AOPEP: variants seen among roughly 807,000 people sequenced by gnomAD.
AOPEP encodes aminopeptidase O.
AOPEP carries 77 observed loss-of-function variants against 98.1 expected under a neutral mutation model. The ratio of observed to expected loss-of-function variants is 0.78; its 90% confidence interval spans 0.65 to 0.95. The LOEUF (loss-of-function observed/expected upper bound fraction) is 0.95, where lower values mean the gene tolerates loss of function less well. AOPEP is among the 40% of genes least tolerant of loss of function. The pLI is 0.00. For synonymous variants in AOPEP, 346 were observed against 365.3 expected (o/e 0.95, Z 0.60); for missense variants, 1,024 against 1,024.7 (o/e 1.00, Z 0.01).
At chr9:94,883,559 G>T (rs75220768) in intron 5 of AOPEP, among the ~76,000 whole-genome samples, 1,686 of 152,228 alleles carry the variant, frequency 0.011, 38 homozygotes, top group African/African-American at 0.039. Context: ...TTTTCAGTTT[G>T]TTACACACTA....
chr9:94,907,298 T>C (rs2051294316), intron 5 of AOPEP, among the ~76,000 whole-genome samples: 1 of 152,102 alleles, frequency 6.6e-6, no homozygotes, highest in South Asian at 2.1e-4. Context: ...ACAACTCTGC[T>C]CTTTGATTTT....
chr9:94,826,687 T>A (rs1854644341), intron 5 of AOPEP, among the ~76,000 whole-genome samples: 1 of 152,188 alleles, frequency 6.6e-6, no homozygotes, highest in Admixed American at 6.5e-5. Flanking sequence ...TTGATTGATG[T>A]CATGTGATAA....
intron 4 of AOPEP, among the ~76,000 whole-genome samples, chr9:94,794,654 TC>T (rs1846506791): frequency 6.6e-6 from 1 of 152,186 alleles, no homozygotes; most frequent in Non-Finnish European, 1.5e-5. Flanking sequence ...TATATGAACA[TC>T]CTAGATTGCG....
At chr9:94,845,481 A>G (rs2042747666) in intron 5 of AOPEP, among the ~76,000 whole-genome samples, 1 of 152,206 alleles carries the variant, frequency 6.6e-6, no homozygotes, top group Non-Finnish European at 1.5e-5. Context: ...GTGTGCCTTG[A>G]AAAGATCATG....
chr9:94,998,774 A>G (rs528525786), intron 11 of AOPEP, among the ~76,000 whole-genome samples: 1 of 152,308 alleles, frequency 6.6e-6, no homozygotes, highest in Non-Finnish European at 1.5e-5. Flanking sequence ...TAGGCATTTA[A>G]TATGTCTTTT....
At chr9:94,836,941 A>G (rs527659652) in intron 5 of AOPEP, among the ~76,000 whole-genome samples, 1 of 152,116 alleles carries the variant, frequency 6.6e-6, no homozygotes, top group Non-Finnish European at 1.5e-5. Context: ...TTTTAAAAAA[A>G]TTTTTTATGA....
the AOPEP span, among the ~76,000 whole-genome samples, chr9:95,122,149 C>T: frequency 3.3e-5 from 5 of 152,088 alleles, no homozygotes; most frequent in African/African-American, 7.2e-5. Flanking sequence ...TGAGCCACCA[C>T]GCCTGGCACA....
intron 14 of AOPEP, among the ~76,000 whole-genome samples, chr9:95,077,535 T>C (rs757334131): frequency 3.3e-5 from 5 of 152,190 alleles, no homozygotes; most frequent in Non-Finnish European, 5.9e-5. Flanking sequence ...AAAGACACGT[T>C]GACCACCCTC....
chr9:94,978,702 G>A (rs752834758), intron 10 of AOPEP, among the ~76,000 whole-genome samples: 7 of 152,186 alleles, frequency 4.6e-5, no homozygotes, highest in African/African-American at 7.2e-5. Context: ...GGACACAGCC[G>A]GAGATCTGGT....
chr9:95,060,698 T>C lies in AOPEP; in HGVS notation c.2120T>C (p.Leu707Pro). 1 of 1,611,170 alleles carries C rather than the reference T, an allele frequency of 6.2e-7. No individual in the cohort carries two copies. Among genetic ancestry groups the C allele is most frequent in the East Asian group, 2.2e-5 (1 of 44,866 alleles). ...REKEEVFEKL[L>P]PDQLVLLLEH... ...GCTGTTTGGTTTTGTCTTTAGCTTC[T>C]TCCAGACCAGCTGGTCTTGCTTCTG... The change falls in exon 14 of 17, where the codon CTT becomes CCT. Residue 707 changes from leucine to proline, a missense_variant. Coordinates refer to ENST00000375315, the MANE Select transcript of AOPEP (RefSeq NM_001193329.3).
At chr9:94,898,219 G>T (rs1290710196) in intron 5 of AOPEP, among the ~76,000 whole-genome samples, 1 of 152,188 alleles carries the variant, frequency 6.6e-6, no homozygotes, top group East Asian at 1.9e-4. Context: ...AAGCAAGAAT[G>T]TTTACTTCAG....
intron 14 of AOPEP, among the ~76,000 whole-genome samples, chr9:95,075,209 A>G (rs1320014476): frequency 6.6e-6 from 1 of 152,190 alleles, no homozygotes; most frequent in Non-Finnish European, 1.5e-5. Flanking sequence ...ATTTGGAGTG[A>G]CTTGATGAAT....
chr9:94,824,016 G>T (rs1853890234), intron 5 of AOPEP, among the ~76,000 whole-genome samples: 1 of 152,158 alleles, frequency 6.6e-6, no homozygotes, highest in Non-Finnish European at 1.5e-5. Context: ...ATAGAAATAG[G>T]AATCGCAGTG....
At chr9:94,846,232 A>C (rs2042849209) in intron 5 of AOPEP, among the ~76,000 whole-genome samples, 1 of 152,186 alleles carries the variant, frequency 6.6e-6, no homozygotes, top group African/African-American at 2.4e-5. Flanking sequence ...AAACTGGAGA[A>C]GCACAACGTG....
At chr9:94,838,197 G>C (rs1311345046) in intron 5 of AOPEP, among the ~76,000 whole-genome samples, 1 of 152,148 alleles carries the variant, frequency 6.6e-6, no homozygotes, top group Non-Finnish European at 1.5e-5. Flanking sequence ...TTTTAGTAGA[G>C]ATGGGGTTTC....
chr9:95,086,233 C>A, intron 16 of AOPEP: 1 of 1,259,900 alleles, frequency 7.9e-7, no homozygotes, highest in South Asian at 1.3e-5. Context: ...TCTGCATGTG[C>A]TCCTGCGGCG....
intron 13 of AOPEP, among the ~76,000 whole-genome samples, chr9:95,058,352 AATATGGGG>A (rs2067015149): frequency 6.6e-6 from 1 of 152,184 alleles, no homozygotes; most frequent in Admixed American, 6.5e-5. Flanking sequence ...ACAAGCGTAT[AATATGGGG>A]AGATGCTTTT....
At chr9:94,881,062 AG>A (rs2047527079) in intron 5 of AOPEP, among the ~76,000 whole-genome samples, 1 of 152,186 alleles carries the variant, frequency 6.6e-6, no homozygotes, top group South Asian at 2.1e-4. Flanking sequence ...TTTTAGATGG[AG>A]GTCAGAAGGA....
intron 14 of AOPEP, among the ~76,000 whole-genome samples, chr9:95,078,612 A>AGCTCCTGTCCCCAGCTGTC (rs2069348699): frequency 6.6e-6 from 1 of 152,254 alleles, no homozygotes; most frequent in African/African-American, 2.4e-5. Context: ...TCAGAGCAGC[A>AGCTCCTGTCCCCAGCTGTC]GCTCCTGTCC....
Sources: allele counts gnomAD v4.1 joint callset (sites outside exome capture counted in the v4.1 genomes callset), GRCh38; gene constraint gnomAD v4.1.1; transcripts MANE v1.5; gene names NCBI Gene and HGNC (gene_info 2026-07-23, HGNC 2026-07-21).